GLCCI1: variants seen among roughly 807,000 people sequenced by gnomAD.
GLCCI1 encodes glucocorticoid-induced transcript 1 protein.
GLCCI1 carries 24 observed loss-of-function variants against 52.2 expected under a neutral mutation model. The ratio of observed to expected loss-of-function variants is 0.46; its 90% CI spans 0.33 to 0.65. GLCCI1 has a LOEUF of 0.65. Ranked by LOEUF, GLCCI1 falls within the 30% of genes least tolerant of loss-of-function variation. GLCCI1 has a pLI of 0.02. For synonymous variants in GLCCI1, 310 were observed against 276.5 expected (o/e 1.12, Z -1.20); for missense variants, 704 against 701.5 (o/e 1.00, Z -0.04).
At chr7:7,972,266 C>T (rs1275861308) in intron 1 of GLCCI1, among the ~76,000 whole-genome samples, 1 of 152,146 alleles carries the variant, frequency 6.6e-6, no homozygotes, top group East Asian at 1.9e-4. Flanking sequence ...AAAACAACAA[C>T]GTGCTCCATT....
chr7:7,993,573 A>G (rs1780885617), intron 1 of GLCCI1, among the ~76,000 whole-genome samples: 1 of 152,290 alleles, frequency 6.6e-6, no homozygotes, highest in South Asian at 2.1e-4. Context: ...TTGGCCCTTT[A>G]CATTTACCCA....
intron 1 of GLCCI1, chr7:7,981,182 G>A (rs552764527): frequency 2.4e-5 from 9 of 370,268 alleles, no homozygotes; most frequent in Non-Finnish European, 4.1e-5. Context: ...CTAGATTTGG[G>A]CCAATAAGAA....
At chr7:8,007,266 T>C (rs1440973538) in intron 2 of GLCCI1, among the ~76,000 whole-genome samples, 6 of 152,190 alleles carry the variant, frequency 3.9e-5, no homozygotes, top group Admixed American at 6.5e-5. Flanking sequence ...AGTTAAGTAA[T>C]TTGTACATCA....
At chr7:8,052,058 A>C (rs1415702672) in intron 3 of GLCCI1, among the ~76,000 whole-genome samples, 3 of 152,218 alleles carry the variant, frequency 2.0e-5, no homozygotes. Flanking sequence ...CCTTTGTGTG[A>C]ATTAGATAAA....
intron 4 of GLCCI1, 193 bp downstream of exon 4, chr7:8,055,742 C>T (rs1251234694): frequency 1.7e-5 from 7 of 406,408 alleles, no homozygotes; most frequent in Non-Finnish European, 3.2e-5. Flanking sequence ...GTAATCCCAG[C>T]ACTTTGGGAG....
intron 3 of GLCCI1, among the ~76,000 whole-genome samples, chr7:8,026,259 C>T (rs943078330): frequency 2.6e-5 from 4 of 151,216 alleles, no homozygotes; most frequent in African/African-American, 9.7e-5. Flanking sequence ...AAGATAACTC[C>T]AAAAATGTAA....
At chr7:8,043,039 T>G (rs1473616836) in intron 3 of GLCCI1, among the ~76,000 whole-genome samples, 4 of 152,210 alleles carry the variant, frequency 2.6e-5, no homozygotes. Flanking sequence ...AGCTAACATC[T>G]ACGAGACAAG....
In GLCCI1 at chr7:8,064,941, C is replaced by T. The variant is rs192415997; in HGVS notation, c.966+4693C>T. On this transcript the variant is annotated intron_variant, in intron 5 of 7. Transcript: ENST00000223145. ...CTGTGTTGGCCAGGATGGTCTCGAT[C>T]TCCTGACCGCGTGATCTGCCCACCT... Among the ~76,000 whole-genome samples the T allele has an allele frequency of 4.2e-3, 647 of 152,242 alleles. 4 individuals are homozygous for T. Among genetic ancestry groups the T allele is most frequent in the Non-Finnish European group, 6.3e-3 (430 of 68,010 alleles).
chr7:8,077,967 G>A (rs1013125702), intron 6 of GLCCI1, among the ~76,000 whole-genome samples: 3 of 152,146 alleles, frequency 2.0e-5, no homozygotes, highest in South Asian at 4.1e-4. Context: ...GGGCGCGGTG[G>A]CTCACGCCTG....
intron 3 of GLCCI1, among the ~76,000 whole-genome samples, chr7:8,042,534 T>C (rs951042624): frequency 6.6e-6 from 1 of 152,188 alleles, no homozygotes; most frequent in Non-Finnish European, 1.5e-5. Flanking sequence ...GAACATGGGC[T>C]GGGTGCAGTG....
chr7:7,988,099 A>G (rs1780772949), intron 1 of GLCCI1, among the ~76,000 whole-genome samples: 1 of 152,160 alleles, frequency 6.6e-6, no homozygotes, highest in African/African-American at 2.4e-5. Context: ...TTGGAATATG[A>G]GAATATAGTC....
chr7:8,035,330 G>A (rs542243745), intron 3 of GLCCI1, among the ~76,000 whole-genome samples: 5 of 152,334 alleles, frequency 3.3e-5, no homozygotes, highest in African/African-American at 9.6e-5. Flanking sequence ...CATCCCAGCA[G>A]CCAGGTGGCC....
intron 3 of GLCCI1, among the ~76,000 whole-genome samples, chr7:8,044,617 AGCCTCT>A (rs1182392969): frequency 1.3e-5 from 2 of 152,148 alleles, no homozygotes. Context: ...GCAATCATCC[AGCCTCT>A]GCCTCTCAAA....
intron 6 of GLCCI1, among the ~76,000 whole-genome samples, chr7:8,082,397 C>T (rs1260082365): frequency 4.6e-5 from 7 of 152,076 alleles, no homozygotes; most frequent in Non-Finnish European, 8.8e-5. Flanking sequence ...TGATTGTACT[C>T]CAGGTAACAT....
intron 6 of GLCCI1, among the ~76,000 whole-genome samples, chr7:8,074,715 G>A (rs891480923): frequency 1.3e-5 from 2 of 152,086 alleles, no homozygotes; most frequent in South Asian, 2.1e-4. Context: ...TTCCTATAAT[G>A]TATGTTTTCT....
chr7:8,086,383 C>T lies in GLCCI1; in HGVS notation c.1489C>T (p.Leu497Phe). 6.2e-7 allele frequency: 1 copy of T among 1,614,088 alleles called. No homozygotes were observed. The highest frequency in any genetic ancestry group is 8.5e-7 in the Non-Finnish European group (1 of 1,180,012). The change falls in exon 8 of 8, where the codon CTC becomes TTC. Residue 497 changes from leucine (L) to phenylalanine (F), a missense_variant. Coordinates refer to ENST00000223145, the MANE Select transcript of GLCCI1 (RefSeq NM_138426.4). The surrounding 1 kb of genome is among the most constrained non-coding windows in gnomAD (Gnocchi z 4.4). ...TTTGGCAACTCTGACCGTTGAGCAG[C>T]TCTCATCCCGGGTTTCCTTTACGTC... Reference protein sequence around the residue: ...SALATLTVEQLSSRVSFTSLS... With the variant: ...SALATLTVEQFSSRVSFTSLS...
intron 3 of GLCCI1, among the ~76,000 whole-genome samples, chr7:8,032,390 A>T (rs955020238): frequency 3.3e-5 from 5 of 152,046 alleles, no homozygotes; most frequent in Non-Finnish European, 5.9e-5. Context: ...AAAACAAGCA[A>T]AGGAATGAGA....
intron 2 of GLCCI1, among the ~76,000 whole-genome samples, chr7:8,006,313 T>C (rs1489086523): frequency 1.3e-5 from 2 of 152,164 alleles, no homozygotes; most frequent in African/African-American, 2.4e-5. Context: ...GCACATTGTC[T>C]TGGAGAGTGC....
chr7:8,077,615 T>G (rs1162580758), intron 6 of GLCCI1, among the ~76,000 whole-genome samples: 2 of 145,376 alleles, frequency 1.4e-5, no homozygotes, highest in Non-Finnish European at 3.0e-5. Flanking sequence ...AGAATTGTTA[T>G]GATGATTAAA....
Sources: allele counts gnomAD v4.1 joint callset (sites outside exome capture counted in the v4.1 genomes callset), GRCh38; gene constraint gnomAD v4.1.1; non-coding constraint Gnocchi (gnomAD v3.1); transcripts MANE v1.5; gene names NCBI Gene and HGNC (gene_info 2026-07-23, HGNC 2026-07-21).